SLC4A10: variants seen among roughly 807,000 people sequenced by gnomAD.
SLC4A10 encodes sodium-driven chloride bicarbonate exchanger.
In SLC4A10, 42 loss-of-function variants were observed where a neutral mutation model predicts 137.7. That is an observed-to-expected ratio of 0.30 (90% CI 0.24 to 0.39). The LOEUF is 0.39. Ranked by LOEUF, SLC4A10 falls within the 10% of genes least tolerant of loss-of-function variation. SLC4A10 has a pLI of 1.00. For synonymous variants in SLC4A10, 474 were observed against 464.1 expected, an observed-to-expected ratio of 1.02 and a Z score of -0.27; for missense variants, 925 against 1,355.0, an observed-to-expected ratio of 0.68 and a Z score of 4.98.
chr2:161,697,817 AAGT>A (rs963140424), intron 1 of SLC4A10, among the ~76,000 whole-genome samples: 18 of 152,184 alleles, frequency 1.2e-4, no homozygotes, highest in African/African-American at 4.3e-4. Context: ...ATGAACTTTA[AAGT>A]AGTTTTTTTC....
At chr2:161,776,730 A>T (rs2052382644) in intron 2 of SLC4A10, among the ~76,000 whole-genome samples, 1 of 151,840 alleles carries the variant, frequency 6.6e-6, no homozygotes, top group Non-Finnish European at 1.5e-5. Flanking sequence ...ATAGTGGATC[A>T]TGTGATAATT....
chr2:161,841,161 T>G (rs985254978), intron 4 of SLC4A10, among the ~76,000 whole-genome samples: 2 of 152,116 alleles, frequency 1.3e-5, no homozygotes, highest in African/African-American at 4.8e-5. Flanking sequence ...CATTGCAACC[T>G]CTGCCTCCCT....
Position 161,964,248 on chromosome 2 carries a change from T to C in SLC4A10, c.2976T>C (p.Ser992=), listed in dbSNP as rs1456245597. Reference sequence around the variant, plus strand: ...ATCTCTTCACAATTATTCAGATGAGTTGCCTTGGCCTTTTGTGGATAATAA... The same window carrying C: ...ATCTCTTCACAATTATTCAGATGAGCTGCCTTGGCCTTTTGTGGATAATAA... ...KVHLFTIIQM[S]CLGLLWIIKV... is the part of the protein sequence containing the mutation. The change falls in exon 22 of 27, where the codon AGT becomes AGC. Residue 992 remains serine, a synonymous_variant. Transcript: ENST00000446997. 1.9e-6 allele frequency: 3 copies of C among 1,613,548 alleles called. No individual in the cohort carries two copies. Among genetic ancestry groups the C allele is most frequent in the Non-Finnish European group, 2.5e-6 (3 of 1,179,678 alleles).
chr2:161,745,503 A>G (rs965753120), intron 1 of SLC4A10, among the ~76,000 whole-genome samples: 3 of 152,128 alleles, frequency 2.0e-5, no homozygotes, highest in Admixed American at 6.6e-5. Flanking sequence ...TCCTGAAAAC[A>G]GCTCTTTTGA....
At position 161,942,809 on chromosome 2, in the gene SLC4A10, C is replaced by T. The variant is rs374697376; in HGVS notation, c.2015C>T (p.Pro672Leu). The change falls in exon 16 of 27, where the codon CCG becomes CTG. Residue 672 changes from proline (P) to leucine (L), a missense_variant. Physicochemically the swap from Pro to Leu is moderately conservative, Grantham distance 98. Around this residue, in one of 11 missense-constraint regions of SLC4A10, gnomAD observed 91 missense variants for 95.6 expected, o/e 0.95. Transcript: ENST00000446997. ...LTQYSCNCVE[P>L]HNPSNGTLKE... is the part of the protein sequence containing the mutation. ...CTTTTCAGGTGTAACTGTGTGGAAC[C>T]GCATAATCCCAGCAATGGCACATTG... 4.4e-6 allele frequency: 7 copies of T among 1,603,278 alleles called. No homozygotes were observed. The highest frequency in any genetic ancestry group is 5.1e-6 in the Non-Finnish European group (6 of 1,174,678).
intron 1 of SLC4A10, among the ~76,000 whole-genome samples, chr2:161,671,251 C>T (rs2039683828): frequency 6.6e-6 from 1 of 152,086 alleles, no homozygotes; most frequent in Admixed American, 6.6e-5. Flanking sequence ...ACTTCATCCC[C>T]TCTAGAGGAT....
chr2:161,753,055 T>C (rs962279894), intron 1 of SLC4A10, among the ~76,000 whole-genome samples: 1 of 152,094 alleles, frequency 6.6e-6, no homozygotes, highest in Non-Finnish European at 1.5e-5. Flanking sequence ...AAAATAAAAT[T>C]AGCATCAAAA....
chr2:161,773,194 G>A (rs1001918908), intron 2 of SLC4A10, among the ~76,000 whole-genome samples: 3 of 151,850 alleles, frequency 2.0e-5, no homozygotes, highest in Non-Finnish European at 4.4e-5. Flanking sequence ...TCCCATGGTG[G>A]AGGATGGAAG....
chr2:161,728,995 A>G (rs1429522489), intron 1 of SLC4A10, among the ~76,000 whole-genome samples: 1 of 152,088 alleles, frequency 6.6e-6, no homozygotes, highest in Non-Finnish European at 1.5e-5. Context: ...ACAAAATTTC[A>G]CATTCATTCT....
At chr2:161,912,945 C>T (rs773338544) in intron 15 of SLC4A10, among the ~76,000 whole-genome samples, 3 of 151,846 alleles carry the variant, frequency 2.0e-5, no homozygotes, top group South Asian at 2.1e-4. Flanking sequence ...TGCCTGATGT[C>T]GCTAAAACGA....
At chr2:161,914,820 G>C (rs966532826) in intron 15 of SLC4A10, among the ~76,000 whole-genome samples, 6 of 151,978 alleles carry the variant, frequency 3.9e-5, no homozygotes, top group Admixed American at 3.3e-4. Context: ...TTGGAGACAG[G>C]ACTTTTTAAA....
intron 4 of SLC4A10, among the ~76,000 whole-genome samples, chr2:161,844,268 C>T (rs1415947099): frequency 6.6e-6 from 1 of 152,104 alleles, no homozygotes; most frequent in Admixed American, 6.6e-5. Flanking sequence ...GCTGTGAAGG[C>T]ATTTGATCTT....
intron 15 of SLC4A10, among the ~76,000 whole-genome samples, chr2:161,932,946 T>A (rs1690684312): frequency 6.6e-6 from 1 of 151,824 alleles, no homozygotes; most frequent in Admixed American, 6.6e-5. Flanking sequence ...TCTTTTTAGA[T>A]TCCCCATATA....
At chr2:161,728,628 T>C (rs976385890) in intron 1 of SLC4A10, among the ~76,000 whole-genome samples, 3 of 151,946 alleles carry the variant, frequency 2.0e-5, no homozygotes, top group Non-Finnish European at 2.9e-5. Context: ...CTCTTAAAAA[T>C]TAATGAAGTA....
chr2:161,681,279 C>G (rs953850730), intron 1 of SLC4A10, among the ~76,000 whole-genome samples: 2 of 152,154 alleles, frequency 1.3e-5, no homozygotes, highest in African/African-American at 4.8e-5. Flanking sequence ...CAGCCATACA[C>G]TGTTAAAAAC....
intron 1 of SLC4A10, among the ~76,000 whole-genome samples, chr2:161,636,457 C>T (rs146294271): frequency 6.8e-4 from 103 of 152,094 alleles, no homozygotes; most frequent in African/African-American, 2.4e-3. Context: ...TGCAGTGGCA[C>T]GGTCTCAGCT....
chr2:161,912,424 C>A (rs1446142022), intron 15 of SLC4A10, among the ~76,000 whole-genome samples: 1 of 152,078 alleles, frequency 6.6e-6, no homozygotes, highest in Non-Finnish European at 1.5e-5. Context: ...GTGCTGACCC[C>A]ATTTCTGTTT....
At chr2:161,975,971 T>A in intron 24 of SLC4A10, among the ~76,000 whole-genome samples, 1 of 152,084 alleles carries the variant, frequency 6.6e-6, no homozygotes, top group East Asian at 1.9e-4. Flanking sequence ...TGACTCTGAG[T>A]GACTGGGAGC....
chr2:161,977,544 T>G (rs1320056996), intron 25 of SLC4A10, among the ~76,000 whole-genome samples, 178 bp from the exon 26 acceptor site: 1 of 152,216 alleles, frequency 6.6e-6, no homozygotes, highest in African/African-American at 2.4e-5. Context: ...AGTCACCCAG[T>G]CTTCTTAGAT....
Sources: allele counts gnomAD v4.1 joint callset (sites outside exome capture counted in the v4.1 genomes callset), GRCh38; gene constraint gnomAD v4.1.1; regional missense constraint gnomAD v4.1.1; transcripts MANE v1.5; gene names NCBI Gene and HGNC (gene_info 2026-07-23, HGNC 2026-07-21).